STX8: variants seen among roughly 807,000 people sequenced by gnomAD.
STX8 encodes syntaxin 8.
STX8 carries 23 observed loss-of-function variants against 37.5 expected under a neutral mutation model. The observed-to-expected ratio is 0.61, with a 90% confidence interval of 0.44 to 0.87. The LOEUF (loss-of-function observed/expected upper bound fraction) is 0.87. Among genes scored for constraint, STX8 ranks in the 40% least tolerant of loss-of-function variants. STX8 has a pLI of 0.00. For synonymous variants in STX8, 115 were observed against 99.1 expected, an observed-to-expected ratio of 1.16 and a Z score of -0.95; for missense variants, 313 against 284.7, an observed-to-expected ratio of 1.10 and a Z score of -0.71.
intron 7 of STX8, among the ~76,000 whole-genome samples, chr17:9,366,049 C>T (rs1002613922): frequency 6.6e-6 from 1 of 152,150 alleles, no homozygotes; most frequent in African/African-American, 2.4e-5. Flanking sequence ...ACAAAACAAT[C>T]ACCATAGGTT....
At chr17:9,431,149 C>T (rs1045449724) in intron 6 of STX8, among the ~76,000 whole-genome samples, 5 of 151,412 alleles carry the variant, frequency 3.3e-5, no homozygotes, top group Non-Finnish European at 5.9e-5. Context: ...AGCCACTGCG[C>T]CCAGCCTTTG....
At chr17:9,397,988 C>A (rs1163466115) in intron 6 of STX8, among the ~76,000 whole-genome samples, 1,183 of 86,072 alleles carry the variant, frequency 0.014, no homozygotes, top group Admixed American at 0.016. Flanking sequence ...ATTCTGTCTC[C>A]AAAAAAAAAA....
At chr17:9,448,704 G>A (rs1475712475) in intron 6 of STX8, among the ~76,000 whole-genome samples, 2 of 152,150 alleles carry the variant, frequency 1.3e-5, no homozygotes, top group African/African-American at 4.8e-5. Context: ...TGATGAAAAT[G>A]CTATGAGCTT....
intron 6 of STX8, among the ~76,000 whole-genome samples, chr17:9,417,008 C>T (rs1913222536): frequency 6.6e-6 from 1 of 152,164 alleles, no homozygotes; most frequent in Admixed American, 6.5e-5. Context: ...CCTGTGGCCC[C>T]CTACCCAGAG....
At chr17:9,400,189 G>A (rs8071161) in intron 6 of STX8, among the ~76,000 whole-genome samples, 11,961 of 148,880 alleles carry the variant, frequency 0.08, 721 homozygotes, top group East Asian at 0.31. Context: ...TGCAAGCTCC[G>A]CCTCCCGGGT....
rs375198830 is a variant in STX8, at chr17:9,546,013, T to TGTTTAAAA, written c.213-739_213-732dup. On this transcript the variant is annotated intron_variant, in intron 3 of 7. Coordinates refer to ENST00000306357, the MANE Select transcript of STX8 (RefSeq NM_004853.3). ...TACATATTAATACCCTAAGATGCTC[T>TGTTTAAAA]GTTTAAAAAAGTGGGGGCGCTGGGG... Among the ~76,000 whole-genome samples, 320 of 152,344 alleles carry TGTTTAAAA rather than the reference T, an allele frequency of 2.1e-3. 1 individual carries two copies. The highest frequency in any genetic ancestry group is 7.4e-3 in the African/African-American group (307 of 41,576).
At chr17:9,275,658 A>G (rs568475775) in intron 7 of STX8, among the ~76,000 whole-genome samples, 157 of 151,688 alleles carry the variant, frequency 1.0e-3, no homozygotes, top group African/African-American at 3.2e-3. Context: ...TCATGAGGTC[A>G]AGAGTTTGAG....
intron 6 of STX8, among the ~76,000 whole-genome samples, chr17:9,448,423 G>A (rs1904928573): frequency 6.6e-6 from 1 of 152,204 alleles, no homozygotes; most frequent in Admixed American, 6.5e-5. Flanking sequence ...CCTTTCGGCG[G>A]TGTGTTTAGT....
In STX8 at chr17:9,485,837, T is replaced by A. The variant is rs148814141; in HGVS notation, c.541+5992A>T. Among the ~76,000 whole-genome samples the A allele has an allele frequency of 4.3e-3, 654 of 152,156 alleles. 4 individuals are homozygous for A. Among genetic ancestry groups the A allele is most frequent in the African/African-American group, 0.015 (623 of 41,486 alleles). On this transcript the variant is annotated intron_variant, in intron 6 of 7. Coordinates refer to ENST00000306357, the MANE Select transcript of STX8 (RefSeq NM_004853.3). Reference sequence around the variant, plus strand: ...CTGACCTCAAATGATCCACCTACCTTGGCCTCCCAAAGTACTGGGATTACA... The same window carrying A: ...CTGACCTCAAATGATCCACCTACCTAGGCCTCCCAAAGTACTGGGATTACA...
At chr17:9,426,290 G>T (rs1913626168) in intron 6 of STX8, among the ~76,000 whole-genome samples, 1 of 152,124 alleles carries the variant, frequency 6.6e-6, no homozygotes, top group Non-Finnish European at 1.5e-5. Context: ...ACTTCGGGAG[G>T]CCAAGGTGGG....
chr17:9,295,999 G>A (rs1444176569), intron 7 of STX8, among the ~76,000 whole-genome samples: 3 of 151,968 alleles, frequency 2.0e-5, no homozygotes, highest in East Asian at 1.9e-4. Flanking sequence ...GACCATCCTG[G>A]CTAACACGGT....
chr17:9,418,126 G>A (rs1013870485), intron 6 of STX8, among the ~76,000 whole-genome samples: 2 of 152,200 alleles, frequency 1.3e-5, no homozygotes, highest in Non-Finnish European at 2.9e-5. Flanking sequence ...TGAAGTAAGG[G>A]CAGCCTTGTG....
intron 5 of STX8, among the ~76,000 whole-genome samples, chr17:9,498,401 AC>A (rs200777834): frequency 0.15 from 22,422 of 146,326 alleles, 1,651 homozygotes; most frequent in South Asian, 0.22. Context: ...AAAAAAAAAA[AC>A]AAAAGAAAAG....
rs1283396582 is a variant in STX8 at position 9,522,847 on chromosome 17, G to A, written c.324-17685C>T. On this transcript the variant is annotated intron_variant, in intron 4 of 7. Coordinates refer to ENST00000306357, the MANE Select transcript of STX8 (RefSeq NM_004853.3). ...AGCTGGATGGCAGAAGTGAGTTCTG[G>A]TGTTCTGTGGCATACTAAGGTGAAT... Among the ~76,000 whole-genome samples the A allele has an allele frequency of 2.6e-5, 4 of 152,106 alleles. No homozygotes were observed. The South Asian group carries it at 8.3e-4, about 32-fold the overall frequency.
At chr17:9,545,395 T>C in intron 3 of STX8, 113 bp from the exon 4 acceptor site, 1 of 738,504 alleles carries the variant, frequency 1.4e-6, no homozygotes, top group Non-Finnish European at 2.3e-6. Context: ...TAATCACTAC[T>C]ACCCAGAAGG....
chr17:9,346,012 C>T (rs35397357), intron 7 of STX8, among the ~76,000 whole-genome samples: 17 of 152,012 alleles, frequency 1.1e-4, no homozygotes, highest in Non-Finnish European at 1.6e-4. Flanking sequence ...CCACCACACC[C>T]GGCTCATTTT....
intron 6 of STX8, among the ~76,000 whole-genome samples, chr17:9,427,513 G>A (rs527565443): frequency 6.6e-6 from 1 of 152,312 alleles, no homozygotes; most frequent in South Asian, 2.1e-4. Flanking sequence ...GAAAAAGGCT[G>A]TTGGGGTAGA....
chr17:9,282,277 C>T (rs1342239269), intron 7 of STX8, among the ~76,000 whole-genome samples: 1 of 152,114 alleles, frequency 6.6e-6, no homozygotes, highest in Non-Finnish European at 1.5e-5. Context: ...GGACTACAGG[C>T]ACCTGCCATC....
At chr17:9,333,971 G>A (rs1597610591) in intron 7 of STX8, among the ~76,000 whole-genome samples, 2 of 152,092 alleles carry the variant, frequency 1.3e-5, no homozygotes, top group South Asian at 4.1e-4. Flanking sequence ...GGAGACTGGA[G>A]TTTTATTATT....
Sources: allele counts gnomAD v4.1 joint callset (sites outside exome capture counted in the v4.1 genomes callset), GRCh38; gene constraint gnomAD v4.1.1; transcripts MANE v1.5; gene names NCBI Gene and HGNC (gene_info 2026-07-23, HGNC 2026-07-21).